MATN2: variants seen among roughly 807,000 people sequenced by gnomAD.
MATN2 encodes the protein matrilin-2.
MATN2 carries 69 observed loss-of-function variants against 103.2 expected under a neutral mutation model. The observed-to-expected ratio is 0.67, with a 90% CI of 0.55 to 0.82. MATN2 has a LOEUF of 0.82. Ranked by LOEUF, MATN2 falls within the 40% of genes least tolerant of loss-of-function variation. MATN2 has a pLI of 0.00. For synonymous variants in MATN2, 429 were observed against 450.2 expected, an observed-to-expected ratio of 0.95 and a Z score of 0.60; for missense variants, 1,023 against 1,211.5, an observed-to-expected ratio of 0.84 and a Z score of 2.31.
chr8:97,946,832 C>T (rs965515748), intron 4 of MATN2, among the ~76,000 whole-genome samples: 1 of 152,114 alleles, frequency 6.6e-6, no homozygotes, highest in Non-Finnish European at 1.5e-5. Context: ...TTATTTTTCC[C>T]AAGCTACATA....
intron 2 of MATN2, among the ~76,000 whole-genome samples, chr8:97,888,452 C>G (rs1265159074): frequency 1.3e-5 from 2 of 152,164 alleles, no homozygotes; most frequent in Non-Finnish European, 2.9e-5. Context: ...TCTTTGAAGC[C>G]TTTAATTGAA....
At chr8:98,010,858 C>T (rs546595570) in intron 10 of MATN2, among the ~76,000 whole-genome samples, 6 of 152,334 alleles carry the variant, frequency 3.9e-5, no homozygotes, top group Admixed American at 3.3e-4. Context: ...GGCAGATCTG[C>T]GAGGGCCTGT....
chr8:97,936,499 C>T (rs555214185), intron 3 of MATN2, among the ~76,000 whole-genome samples: 2 of 152,048 alleles, frequency 1.3e-5, no homozygotes, highest in South Asian at 2.1e-4. Context: ...ACTTCACAAA[C>T]GTTGAGTCTA....
chr8:97,926,691 A>G (rs927954025), intron 2 of MATN2, among the ~76,000 whole-genome samples: 1 of 152,214 alleles, frequency 6.6e-6, no homozygotes, highest in African/African-American at 2.4e-5. Flanking sequence ...GGTCCCTCAT[A>G]AAATGGCAAA....
At chr8:97,986,446 T>C (rs2512047) in intron 6 of MATN2, among the ~76,000 whole-genome samples, 121,388 of 152,110 alleles carry the variant, frequency 0.8, 49,091 homozygotes, top group African/African-American at 0.89. Flanking sequence ...TCCCTCACCA[T>C]CCTCCCACCC....
intron 6 of MATN2, among the ~76,000 whole-genome samples, chr8:97,981,926 G>A (rs7835120): frequency 0.18 from 27,093 of 150,822 alleles, 4,784 homozygotes; most frequent in African/African-American, 0.46. Flanking sequence ...GAGGAGGTTT[G>A]GCTAGGAGCC....
At chr8:97,994,964 C>T (rs1812533486) in intron 7 of MATN2, among the ~76,000 whole-genome samples, 1 of 152,150 alleles carries the variant, frequency 6.6e-6, no homozygotes, top group Admixed American at 6.5e-5. Flanking sequence ...TCTACTCCTA[C>T]AAGATAAGAC....
At chr8:97,919,691 C>T (rs1389209642) in intron 2 of MATN2, among the ~76,000 whole-genome samples, 5 of 152,042 alleles carry the variant, frequency 3.3e-5, no homozygotes, top group African/African-American at 1.2e-4. Context: ...CACCCACAAG[C>T]TTTACCTGGA....
intron 2 of MATN2, among the ~76,000 whole-genome samples, chr8:97,925,584 G>C (rs1455816279): frequency 6.6e-6 from 1 of 152,130 alleles, no homozygotes; most frequent in Non-Finnish European, 1.5e-5. Context: ...CACTAATTAA[G>C]TGCTCAGTAA....
Position 98,003,801 on chromosome 8 carries a change from G to T in MATN2, c.1327+18G>T. 5 of 1,613,312 alleles carry T rather than the reference G, an allele frequency of 3.1e-6. No homozygotes were observed. Among genetic ancestry groups the T allele is most frequent in the African/African-American group, 1.3e-5 (1 of 75,038 alleles). On this transcript the variant is annotated intron_variant, in intron 8 of 18. Coordinates refer to ENST00000254898, the MANE Select transcript of MATN2 (RefSeq NM_002380.5). ...CTGCAGCCGTGAGTGTACCCTAGGG[G>T]TGGGGTGCTGATGGAAGGTGGGGTC...
At chr8:97,896,505 A>C (rs189627747) in intron 2 of MATN2, among the ~76,000 whole-genome samples, 87 of 152,322 alleles carry the variant, frequency 5.7e-4, no homozygotes, top group African/African-American at 2.0e-3. Flanking sequence ...GGGCAGTGGG[A>C]TCAGGTAACA....
chr8:97,926,453 T>C (rs184649192), intron 2 of MATN2, among the ~76,000 whole-genome samples: 96 of 152,310 alleles, frequency 6.3e-4, no homozygotes, highest in African/African-American at 2.0e-3. Context: ...GCTCCTATCA[T>C]AATGCTGGCT....
At chr8:97,921,320 T>C (rs1809799714) in intron 2 of MATN2, among the ~76,000 whole-genome samples, 1 of 152,214 alleles carries the variant, frequency 6.6e-6, no homozygotes, top group Non-Finnish European at 1.5e-5. Context: ...CCTAATATAG[T>C]AGAAGCAAGT....
chr8:97,932,825 G>A (rs886198884), intron 3 of MATN2, among the ~76,000 whole-genome samples: 2 of 152,114 alleles, frequency 1.3e-5, no homozygotes, highest in Non-Finnish European at 2.9e-5. Flanking sequence ...GGAAATAAAG[G>A]GAAATAATCT....
chr8:97,884,136 CT>C (rs1260384394), intron 1 of MATN2, among the ~76,000 whole-genome samples: 231 of 139,492 alleles, frequency 1.7e-3, no homozygotes, highest in African/African-American at 3.4e-3. Context: ...TCTTTTTTTT[CT>C]TTTTTTTTTT....
chr8:98,033,293 A>G (rs1814109190), intron 17 of MATN2, 117 bp downstream of exon 17: 3 of 946,390 alleles, frequency 3.2e-6, no homozygotes, highest in Non-Finnish European at 3.0e-6. Flanking sequence ...ATAGAGGAAA[A>G]GAGAAGAAAG....
chr8:98,034,202 A>C (rs1051365748), intron 18 of MATN2: 4 of 455,964 alleles, frequency 8.8e-6, no homozygotes, highest in Non-Finnish European at 1.8e-5. Flanking sequence ...GCACTCTAAA[A>C]AATGAAACAC....
chr8:98,032,980 A>C, intron 16 of MATN2, 62 bp from the exon 17 acceptor site: 4 of 1,519,064 alleles, frequency 2.6e-6, no homozygotes, highest in Non-Finnish European at 3.5e-6. Flanking sequence ...TACTCTGCTG[A>C]TGGCTGTTTT....
intron 5 of MATN2, among the ~76,000 whole-genome samples, chr8:97,963,612 C>T (rs771785268): frequency 6.6e-6 from 1 of 152,040 alleles, no homozygotes; most frequent in Non-Finnish European, 1.5e-5. Flanking sequence ...AGAGCTTTGG[C>T]GTGCTGTTTA....
Sources: gnomAD v4.1 joint callset for allele counts (sites outside exome capture counted in the v4.1 genomes callset) on GRCh38, gnomAD v4.1.1 for gene constraint, MANE v1.5 for transcripts, NCBI Gene and HGNC (gene_info 2026-07-23, HGNC 2026-07-21) for gene names.